The following PHC3 variants were observed in gnomAD, a reference collection of about 807,000 sequenced individuals.
PHC3 encodes the protein polyhomeotic homolog 3, also known as polyhomeotic-like protein 3.
Under a neutral mutation model 107.4 loss-of-function variants are expected in PHC3, and 13 were observed. That is an observed-to-expected ratio of 0.12 (90% CI 0.08 to 0.19). The LOEUF is 0.19. PHC3 is among the 10% of genes least tolerant of loss of function. PHC3 has a pLI of 1.00. For missense variants in PHC3, 992 were observed against 1,210.9 expected (o/e 0.82, Z 2.68); for synonymous variants, 456 against 427.4 (o/e 1.07, Z -0.83).
At chr3:170,165,542 C>G (rs1179400381) in intron 4 of PHC3, among the ~76,000 whole-genome samples, 1 of 151,906 alleles carries the variant, frequency 6.6e-6, no homozygotes, top group Non-Finnish European at 1.5e-5. Context: ...CACCTGAGGT[C>G]AGGAGTTCAA....
chr3:170,157,028 A>G (rs190075772), intron 4 of PHC3, among the ~76,000 whole-genome samples: 28 of 152,346 alleles, frequency 1.8e-4, no homozygotes, highest in Middle Eastern at 3.4e-3. Flanking sequence ...CAGTCTCCCA[A>G]TGTTTTCAGA....
chr3:170,146,916 C>T (rs1291444037), intron 5 of PHC3, among the ~76,000 whole-genome samples: 145 of 117,978 alleles, frequency 1.2e-3, no homozygotes, highest in Non-Finnish European at 1.1e-3. Context: ...GAGTTTCACT[C>T]TTGTTGCCCA....
At chr3:170,159,422 A>C (rs1255337015) in intron 4 of PHC3, among the ~76,000 whole-genome samples, 1 of 152,152 alleles carries the variant, frequency 6.6e-6, no homozygotes, top group South Asian at 2.1e-4. Context: ...AAGTCAAAGA[A>C]AGGGCTAAAA....
chr3:170,140,984 T>TATATATTTTAGAATTTATTTACTATG (rs1255460257), intron 6 of PHC3, among the ~76,000 whole-genome samples: 1 of 152,164 alleles, frequency 6.6e-6, no homozygotes, highest in African/African-American at 2.4e-5. Flanking sequence ...GAATGGAGCA[T>TATATATTTTAGAATTTATTTACTATG]TTAACATAGT....
chr3:170,132,634 C>T (rs1560071649), intron 7 of PHC3, among the ~76,000 whole-genome samples: 1 of 152,206 alleles, frequency 6.6e-6, no homozygotes, highest in East Asian at 1.9e-4. Flanking sequence ...TGAGCCTTCA[C>T]CAGAAACTGA....
In PHC3 at chr3:170,136,289, G is replaced by A. The variant is rs150597470; in HGVS notation, c.919+130C>T. ...TTTTCAAGCTACACATTAAGATTAA[G>A]TTTATAAAATTCACATTTTAAAATG... On this transcript the variant is annotated intron_variant, in intron 7 of 14. Transcript: ENST00000495893. 3,036 of 1,112,646 alleles carry A rather than the reference G, an allele frequency of 2.7e-3. 63 individuals carry two copies. The African/African-American group carries it at 0.043, about 16-fold the overall frequency. 68.9% of individuals were successfully genotyped at this position (1,112,646 alleles called of 1,614,324 possible). A position where few individuals can be genotyped will look rare whatever the true frequency, so the allele number is the denominator to read the frequency against.
chr3:170,180,328 G>T (rs1156385873), intron 1 of PHC3, among the ~76,000 whole-genome samples: 2 of 152,020 alleles, frequency 1.3e-5, no homozygotes. Context: ...ACAGGACTGT[G>T]GTCCCAGCAA....
intron 5 of PHC3, among the ~76,000 whole-genome samples, chr3:170,145,743 G>A (rs780858094): frequency 6.6e-6 from 1 of 151,900 alleles, no homozygotes; most frequent in Non-Finnish European, 1.5e-5. Flanking sequence ...TCTGATGAGT[G>A]CAAAAAAAAG....
chr3:170,105,802 GGTAA>G (rs1193525879), intron 12 of PHC3, among the ~76,000 whole-genome samples: 7 of 152,134 alleles, frequency 4.6e-5, no homozygotes, highest in African/African-American at 1.7e-4. Flanking sequence ...CAACTTTAGT[GGTAA>G]GTATCTGTAT....
rs566924014 is a variant in PHC3, at chr3:170,120,481, G to A, written c.1942+2110C>T. ...CCAGCTACTCAGGATACTGAAGCAG[G>A]AGAATCACTTGAACCCAGGAGGCGA... On this transcript the variant is annotated intron_variant, in intron 9 of 14. Transcript: ENST00000495893. Among the ~76,000 whole-genome samples the A allele has an allele frequency of 2.0e-5, 3 of 151,882 alleles. No individual in the cohort carries two copies. The South Asian group carries it at 6.2e-4, about 32-fold the overall frequency.
chr3:170,156,694 T>G (rs1340610952), intron 4 of PHC3, among the ~76,000 whole-genome samples: 1 of 151,940 alleles, frequency 6.6e-6, no homozygotes, highest in African/African-American at 2.4e-5. Context: ...GCCTCCTGGG[T>G]TCAAGTGATT....
At chr3:170,150,575 T>C in intron 4 of PHC3, 1 of 145,658 alleles carries the variant, frequency 6.9e-6, no homozygotes, top group Non-Finnish European at 1.4e-5. Flanking sequence ...TAGCCGGGTG[T>C]GGTGGTGGGT....
intron 1 of PHC3, 129 bp downstream of exon 1, chr3:170,181,573 G>T: frequency 7.3e-7 from 1 of 1,372,600 alleles, no homozygotes; most frequent in Non-Finnish European, 1.0e-6. Context: ...CTCCACGATA[G>T]GACGGGTCTC....
intron 6 of PHC3, among the ~76,000 whole-genome samples, chr3:170,139,858 T>C (rs1723747960): frequency 6.6e-6 from 1 of 152,188 alleles, no homozygotes; most frequent in African/African-American, 2.4e-5. Flanking sequence ...ACCCATCCTT[T>C]CTAAGAAGAA....
intron 2 of PHC3, among the ~76,000 whole-genome samples, chr3:170,174,017 A>G (rs1324356079): frequency 6.6e-6 from 1 of 152,066 alleles, no homozygotes; most frequent in Admixed American, 6.6e-5. Context: ...ACATAGTGAA[A>G]CCCTGTCTCT....
chr3:170,147,005 C>A (rs1725086235), intron 5 of PHC3, among the ~76,000 whole-genome samples: 1 of 151,196 alleles, frequency 6.6e-6, no homozygotes, highest in Admixed American at 6.6e-5. Context: ...GCATTAGCCT[C>A]CCGAGCAGCT....
At chr3:170,119,851 T>C (rs1263031243) in intron 9 of PHC3, among the ~76,000 whole-genome samples, 1 of 151,340 alleles carries the variant, frequency 6.6e-6, no homozygotes, top group Non-Finnish European at 1.5e-5. Context: ...AAAATCAACC[T>C]GTGCTTTAGT....
intron 10 of PHC3, among the ~76,000 whole-genome samples, chr3:170,116,510 T>C (rs992900353): frequency 1.3e-5 from 2 of 152,118 alleles, no homozygotes; most frequent in African/African-American, 2.4e-5. Context: ...GAGGTTGCAG[T>C]GAGCTGAAAC....
intron 10 of PHC3, 167 bp downstream of exon 10, chr3:170,117,059 A>T: frequency 2.3e-6 from 2 of 881,050 alleles, no homozygotes; most frequent in Non-Finnish European, 3.3e-6. Context: ...ATAAAATTCT[A>T]CATAAACATT....
Sources: gnomAD v4.1 joint callset for allele counts (sites outside exome capture counted in the v4.1 genomes callset) on GRCh38, gnomAD v4.1.1 for gene constraint, MANE v1.5 for transcripts, NCBI Gene and HGNC (gene_info 2026-07-23, HGNC 2026-07-21) for gene names.